Variants in GPR155 observed in about 807,000 individuals in gnomAD.
GPR155 encodes the protein G protein-coupled receptor 155, also known as lysosomal cholesterol signaling protein.
A neutral mutation model predicts 93.1 loss-of-function variants in GPR155; 65 were observed. That is an observed-to-expected ratio of 0.70 (90% CI 0.57 to 0.86). The LOEUF (loss-of-function observed/expected upper bound fraction) is 0.86, where lower values mean the gene tolerates loss of function less well. Among genes scored for constraint, GPR155 ranks in the 40% least tolerant of loss-of-function variants. The pLI is 0.00. For synonymous variants in GPR155, 319 were observed against 360.1 expected (o/e 0.89, Z 1.29); for missense variants, 838 against 1,034.8 (o/e 0.81, Z 2.61).
intron 1 of GPR155, among the ~76,000 whole-genome samples, chr2:174,483,872 A>C (rs111578096): frequency 6.6e-6 from 1 of 152,166 alleles, no homozygotes; most frequent in African/African-American, 2.4e-5. Context: ...GGTGTGAGCC[A>C]CCACGCCCAG....
At chr2:174,462,501 G>A (rs200817751) in intron 7 of GPR155, among the ~76,000 whole-genome samples, 2 of 152,120 alleles carry the variant, frequency 1.3e-5, no homozygotes, top group East Asian at 1.9e-4. Context: ...GTAGAGATGG[G>A]TTTCACCATG....
chr2:174,453,794 T>A lies in GPR155; in HGVS notation c.1819A>T (p.Ile607Leu). 6.2e-7 allele frequency: 1 copy of A among 1,613,962 alleles called. No individual in the cohort carries two copies. Residue 607 changes from isoleucine to leucine, a missense_variant, in exon 11 of 16, where the codon ATA becomes TTA. Ile to Leu is a conservative substitution (Grantham distance 5, BLOSUM62 2). This residue lies in a region of GPR155 where 663 missense variants were observed against 790.1 expected (regional missense o/e 0.84). Coordinates refer to ENST00000392552, the MANE Select transcript of GPR155 (RefSeq NM_152529.7). ...GTGCTTGTGTTTGCTATTGGCTCTA[T>A]TGATGGGCAGTGTAATTCACCATTT... is the stretch of plus-strand genomic sequence containing the variant. ...MGNGELHCPS[I>L]EPIANTSTSE...
Position 174,470,632 on chromosome 2 carries a change from T to C in GPR155, c.861-77A>G, listed in dbSNP as rs116367872. The stretch of plus-strand genomic sequence containing the variant: ...CCAGTAGCAGGCTGCTCTGGTGAAT[T>C]TGGCATCAGGTTCTCCTGCCCAGAA... On this transcript the variant is annotated intron_variant, in intron 3 of 15. Coordinates refer to ENST00000392552, the MANE Select transcript of GPR155 (RefSeq NM_152529.7). The C allele has an allele frequency of 2.5e-3, 3,430 of 1,355,872 alleles. 81 individuals are homozygous for C. In the African/African-American group the frequency reaches 0.044, roughly 17 times the overall value. The allele number at this position is 1,355,872 out of a possible 1,614,324, so 84.0% of individuals were successfully genotyped here.
In GPR155 at chr2:174,435,915, G is replaced by C. The variant is rs1686764712; in HGVS notation, c.*201C>G. 3.7e-6 allele frequency: 2 copies of C among 535,810 alleles called. No individual in the cohort carries two copies. Among genetic ancestry groups the C allele is most frequent in the African/African-American group, 1.9e-5 (1 of 52,838 alleles). 33.2% of individuals were successfully genotyped at this position (535,810 alleles called of 1,614,324 possible). A position where few individuals can be genotyped will look rare whatever the true frequency, so the allele number is the denominator to read the frequency against. On this transcript the variant is annotated 3_prime_UTR_variant, in exon 16 of 16. Coordinates refer to ENST00000392552, the MANE Select transcript of GPR155 (RefSeq NM_152529.7). The stretch of plus-strand genomic sequence containing the variant: ...TAATTTGGTTTTCTCTTTTTCCTAA[G>C]TCAGCTTCCTATGTGTTTTACATAC...
chr2:174,465,427 C>A (rs931687013), intron 7 of GPR155, among the ~76,000 whole-genome samples: 1 of 152,186 alleles, frequency 6.6e-6, no homozygotes, highest in African/African-American at 2.4e-5. Flanking sequence ...CAGCAGGACT[C>A]GATAGTGAGC....
chr2:174,470,695 T>C, intron 3 of GPR155, 140 bp from the exon 4 acceptor site: 1 of 585,322 alleles, frequency 1.7e-6, no homozygotes, highest in Non-Finnish European at 2.9e-6. Flanking sequence ...TGTGCATGTC[T>C]ACCTGGGCAC....
intron 10 of GPR155, among the ~76,000 whole-genome samples, chr2:174,456,471 A>AT (rs1317903967): frequency 4.6e-5 from 7 of 151,486 alleles, no homozygotes; most frequent in Admixed American, 3.9e-4. Flanking sequence ...TGCCTAGCTA[A>AT]TTTTTTATTT....
chr2:174,454,743 AAAGG>A (rs766431254), intron 10 of GPR155, among the ~76,000 whole-genome samples: 1 of 143,936 alleles, frequency 6.9e-6, no homozygotes, highest in African/African-American at 2.6e-5. Flanking sequence ...GAAGGAAGGA[AAAGG>A]AAGGAAGGGA....
chr2:174,470,363 C>A, intron 4 of GPR155, 27 bp downstream of exon 4: 1 of 1,563,366 alleles, frequency 6.4e-7, no homozygotes, highest in Admixed American at 1.9e-5. Context: ...AACACACCAT[C>A]AAACTTAGAA....
At chr2:174,467,956 G>A (rs995846198) in intron 5 of GPR155, among the ~76,000 whole-genome samples, 3 of 152,098 alleles carry the variant, frequency 2.0e-5, no homozygotes, top group African/African-American at 4.8e-5. Context: ...GGCTGGTCTC[G>A]AACTCCTGGC....
At position 174,473,620 on chromosome 2, in the gene GPR155, G is replaced by C. The variant is rs552233278; in HGVS notation, c.461-256C>G. Among the ~76,000 whole-genome samples, 9 of 152,210 alleles carry C rather than the reference G, an allele frequency of 5.9e-5. No individual in the cohort carries two copies. In the East Asian group the frequency reaches 1.7e-3, roughly 29 times the overall value. On this transcript the variant is annotated intron_variant, in intron 2 of 15. Transcript: ENST00000392552. ...CCTCACTAATTTTTACCATCTAAGGGTTAAAATTAGTCTCCAAAAATGAGC... is the reference window on the plus strand; with the variant it reads ...CCTCACTAATTTTTACCATCTAAGGCTTAAAATTAGTCTCCAAAAATGAGC...
rs559690950 is a variant in GPR155 at position 174,454,730 on chromosome 2, A to G, written c.1772-889T>C. On this transcript the variant is annotated intron_variant, in intron 10 of 15. Transcript: ENST00000392552. The stretch of plus-strand genomic sequence containing the variant: ...AAAGGAAAGGAAGGGAAGAAAGGGA[A>G]GGGAAGGAAGGAAAAGGAAGGAAGG... Among the ~76,000 whole-genome samples the G allele has an allele frequency of 1.3e-4, 12 of 89,332 alleles. No individual in the cohort carries two copies. The East Asian group carries it at 3.3e-3, about 24-fold the overall frequency. 58.6% of individuals were successfully genotyped at this position (89,332 alleles called of 152,430 possible). A position where few individuals can be genotyped will look rare whatever the true frequency, so the allele number is the denominator to read the frequency against.
intron 1 of GPR155, among the ~76,000 whole-genome samples, chr2:174,486,407 T>C (rs1297421275): frequency 1.3e-5 from 2 of 152,008 alleles, no homozygotes; most frequent in African/African-American, 4.8e-5. Context: ...AAGAAAAAGG[T>C]GGTCGCTAGT....
chr2:174,454,279 G>A (rs1291548382), intron 10 of GPR155, among the ~76,000 whole-genome samples: 3 of 152,108 alleles, frequency 2.0e-5, no homozygotes, highest in Admixed American at 2.0e-4. Context: ...TGGGATTACA[G>A]GCACCTGCCA....
At chr2:174,466,821 G>T (rs1687851856) in intron 5 of GPR155, among the ~76,000 whole-genome samples, 194 bp from the exon 6 acceptor site, 1 of 152,144 alleles carries the variant, frequency 6.6e-6, no homozygotes, top group Non-Finnish European at 1.5e-5. Context: ...AGCATGGAGA[G>T]ATCCCATAAT....
chr2:174,448,598 C>T (rs1268567107), intron 11 of GPR155, among the ~76,000 whole-genome samples: 2 of 135,210 alleles, frequency 1.5e-5, no homozygotes, highest in Non-Finnish European at 3.1e-5. Flanking sequence ...ACTGCAGTGG[C>T]GCAATCTCGG....
At chr2:174,440,617 GATGATA>G (rs1424671825) in intron 14 of GPR155, among the ~76,000 whole-genome samples, 1 of 152,154 alleles carries the variant, frequency 6.6e-6, no homozygotes, top group Non-Finnish European at 1.5e-5. Context: ...ACTACATCTT[GATGATA>G]ATGATAAAGA....
At position 174,481,857 on chromosome 2, in the gene GPR155, G is replaced by T. The variant is rs1688331879; in HGVS notation, c.100C>A (p.Pro34Thr). ...AGCCTTGTAATTGACATTGAAGGTGGGTCATTAGTGGAATTAAATCCATGC... is the reference window on the plus strand; with the variant it reads ...AGCCTTGTAATTGACATTGAAGGTGTGTCATTAGTGGAATTAAATCCATGC... ...VTHGFNSTND[P>T]PSMSITRLFP... Residue 34 changes from proline (P) to threonine (T), a missense_variant, in exon 2 of 16, where the codon CCA (proline) becomes ACA (threonine). Pro to Thr is a conservative substitution (Grantham distance 38, BLOSUM62 -1). Around this residue, in one of 3 missense-constraint regions of GPR155, gnomAD observed 663 missense variants for 790.1 expected, o/e 0.84. Transcript: ENST00000392552. The T allele has an allele frequency of 1.2e-6, 2 of 1,614,042 alleles. No homozygotes were observed. The highest frequency in any genetic ancestry group is 3.3e-5 in the Admixed American group (2 of 60,022).
chr2:174,464,454 C>T (rs959112025), intron 7 of GPR155, among the ~76,000 whole-genome samples: 3 of 151,942 alleles, frequency 2.0e-5, no homozygotes, highest in Non-Finnish European at 2.9e-5. Context: ...TAAAAATGAT[C>T]GAATGGGATG....
Sources: allele counts gnomAD v4.1 joint callset (sites outside exome capture counted in the v4.1 genomes callset), GRCh38; gene constraint gnomAD v4.1.1; regional missense constraint gnomAD v4.1.1; transcripts MANE v1.5; gene names NCBI Gene and HGNC (gene_info 2026-07-23, HGNC 2026-07-21).